The following NR1D2 variants were observed in gnomAD, a reference collection of about 807,000 sequenced individuals.
NR1D2 encodes nuclear receptor subfamily 1 group D member 2.
A neutral mutation model predicts 52.2 loss-of-function variants in NR1D2; 25 were observed. The observed-to-expected ratio is 0.48, with a 90% CI of 0.35 to 0.67. The LOEUF (loss-of-function observed/expected upper bound fraction) is 0.67, where lower values mean the gene tolerates loss of function less well. Among genes scored for constraint, NR1D2 ranks in the 30% least tolerant of loss-of-function variants. NR1D2 has a pLI of 0.01. For missense variants in NR1D2, 681 were observed against 707.2 expected (o/e 0.96, Z 0.42); for synonymous variants, 259 against 230.1 (o/e 1.13, Z -1.14).
rs1021175028 is a variant in NR1D2, at chr3:23,979,712, G to T, written c.*2293G>T. The T allele has an allele frequency of 6.6e-6, 1 of 152,014 alleles. No homozygotes were observed. The highest frequency in any genetic ancestry group is 2.1e-4 in the South Asian group (1 of 4,824). 9.4% of individuals were successfully genotyped at this position (152,014 alleles called of 1,614,324 possible). A position where few individuals can be genotyped will look rare whatever the true frequency, so the allele number is the denominator to read the frequency against. ...GAAAGTAGCCCAATATAAAACTTTT[G>T]ATTCTAAAATTAAACCAGCAGCCTA... On this transcript the variant is annotated 3_prime_UTR_variant, in exon 8 of 8. Transcript: ENST00000312521.
Position 23,962,619 on chromosome 3 carries a change from G to A in NR1D2, c.1146+14G>A. The A allele has an allele frequency of 1.9e-6, 3 of 1,562,122 alleles. No homozygotes were observed. Among genetic ancestry groups the A allele is most frequent in the Non-Finnish European group, 2.6e-6 (3 of 1,151,166 alleles). On this transcript the variant is annotated intron_variant, in intron 5 of 7. Transcript: ENST00000312521. ...AGAATGCATCTGGTATAGTGAAATCGATTTTTTGCTTACATTGTATCAGGG... is the reference window on the plus strand; with the variant it reads ...AGAATGCATCTGGTATAGTGAAATCAATTTTTTGCTTACATTGTATCAGGG...
Position 23,977,225 on chromosome 3 carries a change from C to T in NR1D2, c.1546C>T (p.Arg516Ter), listed in dbSNP as rs1452152831. 5 of 1,562,254 alleles carry T rather than the reference C, an allele frequency of 3.2e-6. No homozygotes were observed. The highest frequency in any genetic ancestry group is 2.8e-5 in the African/African-American group (2 of 72,582). The change falls in exon 8 of 8, where the codon CGA becomes TGA. Residue 516 changes from arginine (R) to a stop codon, truncating the protein, a stop_gained and splice_region_variant. Transcript: ENST00000312521. LOFTEE classifies it high-confidence loss of function. Reference sequence around the variant, plus strand: ...TCCCTATTCCTGATCTCTCTTAGATCGATCTGGAATAGAAAACGTCAACTC... The same window carrying T: ...TCCCTATTCCTGATCTCTCTTAGATTGATCTGGAATAGAAAACGTCAACTC... ...FTAVVLVSAD[R>*]SGIENVNSVE...
chr3:23,978,183 C>A lies in NR1D2; in HGVS notation c.*764C>A, dbSNP rs1200909349. ...ATATGTGTGGGGTATCCTACTGATACACACGTATTCAAAGTTTATGGGTAC... is the reference window on the plus strand; with the variant it reads ...ATATGTGTGGGGTATCCTACTGATAAACACGTATTCAAAGTTTATGGGTAC... On this transcript the variant is annotated 3_prime_UTR_variant, in exon 8 of 8. Transcript: ENST00000312521. 1.3e-5 allele frequency: 2 copies of A among 152,128 alleles called. No individual in the cohort carries two copies. The highest frequency in any genetic ancestry group is 1.9e-4 in the East Asian group (1 of 5,200). 9.4% of individuals were successfully genotyped at this position (152,128 alleles called of 1,614,324 possible).
chr3:23,948,244 C>A (rs916500512), intron 1 of NR1D2, among the ~76,000 whole-genome samples: 1 of 152,200 alleles, frequency 6.6e-6, no homozygotes, highest in African/African-American at 2.4e-5. Context: ...GACAAACATT[C>A]AACCAGTGAT....
intron 4 of NR1D2, among the ~76,000 whole-genome samples, chr3:23,960,674 T>G (rs1023657045): frequency 1.5e-4 from 23 of 152,190 alleles, no homozygotes; most frequent in African/African-American, 4.8e-4. Flanking sequence ...GATGTTTTGT[T>G]TTTTCAATTC....
intron 1 of NR1D2, among the ~76,000 whole-genome samples, chr3:23,947,914 T>C (rs1425010487): frequency 6.6e-6 from 1 of 152,082 alleles, no homozygotes. Context: ...GGTAAGGAGT[T>C]CGAGACCAGC....
chr3:23,970,475 A>G (rs1310363791), intron 7 of NR1D2, among the ~76,000 whole-genome samples: 2 of 152,346 alleles, frequency 1.3e-5, no homozygotes. Context: ...AAAATGGAAA[A>G]AAAAGGTTAT....
At chr3:23,945,744 C>T (rs1705654150) in intron 1 of NR1D2, 150 bp downstream of exon 1, 3 of 532,056 alleles carry the variant, frequency 5.6e-6, no homozygotes, top group Non-Finnish European at 5.3e-6. Context: ...TGGCTCGGTT[C>T]CCATCGCCCC....
chr3:23,967,129 C>T (rs980990147), intron 6 of NR1D2, among the ~76,000 whole-genome samples: 3 of 152,168 alleles, frequency 2.0e-5, no homozygotes, highest in African/African-American at 7.2e-5. Flanking sequence ...AGTTTGAGAC[C>T]AGCCTGGTCA....
intron 5 of NR1D2, 128 bp from the exon 6 acceptor site, chr3:23,964,849 C>A: frequency 1.6e-6 from 1 of 631,600 alleles, no homozygotes; most frequent in Non-Finnish European, 2.7e-6. Flanking sequence ...GTGCTAATAT[C>A]TCAGTAGATT....
Position 23,979,269 on chromosome 3 carries a change from ACT to A in NR1D2, c.*1853_*1854del, listed in dbSNP as rs972423040. The A allele has an allele frequency of 6.6e-6, 1 of 152,028 alleles. No homozygotes were observed. The highest frequency in any genetic ancestry group is 2.4e-5 in the African/African-American group (1 of 41,418). 9.4% of individuals were successfully genotyped at this position (152,028 alleles called of 1,614,324 possible). On this transcript the variant is annotated 3_prime_UTR_variant, in exon 8 of 8. Coordinates refer to ENST00000312521, the MANE Select transcript of NR1D2 (RefSeq NM_005126.5). ...TTGTGATTTACCTTAAGTAGGTATA[ACT>A]CTTATGGGATATACAGTATAGTTTT...
At chr3:23,961,695 C>T (rs1007550043) in intron 4 of NR1D2, among the ~76,000 whole-genome samples, 2 of 152,100 alleles carry the variant, frequency 1.3e-5, no homozygotes, top group Non-Finnish European at 1.5e-5. Flanking sequence ...TGCACCCATC[C>T]GAATTTCCTA....
intron 1 of NR1D2, among the ~76,000 whole-genome samples, chr3:23,947,361 C>G (rs1018550846): frequency 3.3e-5 from 5 of 152,204 alleles, no homozygotes; most frequent in Non-Finnish European, 7.3e-5. Flanking sequence ...GTTGACCATC[C>G]CCTTCCCCCT....
At chr3:23,968,688 A>G (rs753525990) in intron 7 of NR1D2, among the ~76,000 whole-genome samples, 19 of 152,130 alleles carry the variant, frequency 1.2e-4, no homozygotes, top group Non-Finnish European at 1.9e-4. Flanking sequence ...ATGTTTCCCA[A>G]TGCCCCTGCC....
intron 7 of NR1D2, among the ~76,000 whole-genome samples, chr3:23,971,458 A>T (rs1223523447): frequency 6.6e-6 from 1 of 151,438 alleles, no homozygotes; most frequent in Non-Finnish European, 1.5e-5. Flanking sequence ...TAGTAGAGAC[A>T]GGGTTTCGTC....
intron 3 of NR1D2, among the ~76,000 whole-genome samples, chr3:23,958,891 G>T (rs1204924034): frequency 2.0e-5 from 3 of 152,204 alleles, no homozygotes; most frequent in Non-Finnish European, 4.4e-5. Context: ...GGAGGTTGCA[G>T]TGAGCTGAGA....
rs1290803840 is a variant in NR1D2, at chr3:23,959,699, A to G, written c.401A>G (p.Asn134Ser). Residue 134 changes from asparagine to serine, a missense_variant, in exon 4 of 8, where the codon AAC (asparagine) becomes AGC (serine). Asn to Ser is a conservative substitution (Grantham distance 46). This residue lies in a region of NR1D2 where 112 missense variants were observed against 162.3 expected (regional missense o/e 0.69). Coordinates refer to ENST00000312521, the MANE Select transcript of NR1D2 (RefSeq NM_005126.5). ...KGFFRRSIQQ[N>S]IQYKKCLKNE... is the part of the protein sequence containing the mutation. ...TTCTTTCGGAGAAGTATTCAACAAAACATCCAGTACAAGAAGTGCCTGAAG... is the reference window on the plus strand; with the variant it reads ...TTCTTTCGGAGAAGTATTCAACAAAGCATCCAGTACAAGAAGTGCCTGAAG... 6.2e-7 allele frequency: 1 copy of G among 1,612,928 alleles called. No homozygotes were observed. Among genetic ancestry groups the G allele is most frequent in the Admixed American group, 1.7e-5 (1 of 59,688 alleles).
intron 7 of NR1D2, among the ~76,000 whole-genome samples, chr3:23,975,781 T>G (rs1205233321): frequency 6.6e-6 from 1 of 152,224 alleles, no homozygotes; most frequent in Non-Finnish European, 1.5e-5. Context: ...AAACTTATTT[T>G]TATCATTCTT....
chr3:23,954,497 A>G (rs922194247), intron 1 of NR1D2, 40 bp from the exon 2 acceptor site: 7 of 1,560,836 alleles, frequency 4.5e-6, no homozygotes, highest in Non-Finnish European at 6.2e-6. Flanking sequence ...AATACGTATT[A>G]TCTTGTATCT....
Sources: gnomAD v4.1 joint callset for allele counts (sites outside exome capture counted in the v4.1 genomes callset) on GRCh38, gnomAD v4.1.1 for gene constraint, gnomAD v4.1.1 regional missense constraint, MANE v1.5 for transcripts, NCBI Gene and HGNC (gene_info 2026-07-23, HGNC 2026-07-21) for gene names.